EEF1AKMT1: variants seen among roughly 807,000 people sequenced by gnomAD.
EEF1AKMT1 encodes the protein EEF1A lysine methyltransferase 1.
Under a neutral mutation model 21.0 loss-of-function variants are expected in EEF1AKMT1, and 18 were observed. The ratio of observed to expected loss-of-function variants is 0.86; its 90% CI spans 0.59 to 1.27. The LOEUF (loss-of-function observed/expected upper bound fraction) is 1.27, where lower values mean the gene tolerates loss of function less well. Ranked by LOEUF, EEF1AKMT1 falls within the 50% of genes most tolerant of loss-of-function variation. The pLI, the probability that EEF1AKMT1 is intolerant of heterozygous loss-of-function variation, is 0.00. For missense variants in EEF1AKMT1, 246 were observed against 258.6 expected, an observed-to-expected ratio of 0.95 and a Z score of 0.33; for synonymous variants, 109 against 94.8, an observed-to-expected ratio of 1.15 and a Z score of -0.87.
chr13:20,753,738 G>C (rs2058955615), intron 2 of EEF1AKMT1, among the ~76,000 whole-genome samples: 1 of 151,990 alleles, frequency 6.6e-6, no homozygotes, highest in South Asian at 2.1e-4. Context: ...AGCTAGTCCT[G>C]CTTGTTTTTG....
chr13:20,733,100 T>TC (rs1469335644), intron 3 of EEF1AKMT1, among the ~76,000 whole-genome samples: 1 of 150,338 alleles, frequency 6.7e-6, no homozygotes, highest in Non-Finnish European at 1.5e-5. Context: ...TACACTTTTT[T>TC]TTTTTTTTTT....
At chr13:20,765,387 TTC>T in intron 1 of EEF1AKMT1, among the ~76,000 whole-genome samples, 1 of 151,462 alleles carries the variant, frequency 6.6e-6, no homozygotes, top group East Asian at 1.9e-4. Context: ...ATTATTTGCT[TTC>T]TGTTTCTTCC....
chr13:20,730,134 T>C (rs2058784323), intron 4 of EEF1AKMT1, among the ~76,000 whole-genome samples: 1 of 152,240 alleles, frequency 6.6e-6, no homozygotes, highest in Non-Finnish European at 1.5e-5. Flanking sequence ...CTTCCAGCCT[T>C]TAGTCTATTT....
chr13:20,730,958 A>T (rs1191972997), intron 4 of EEF1AKMT1, among the ~76,000 whole-genome samples: 3 of 152,190 alleles, frequency 2.0e-5, no homozygotes, highest in African/African-American at 7.2e-5. Context: ...CACATACCGC[A>T]AGGGTCTGCC....
chr13:20,771,069 G>A (rs937061918), intron 1 of EEF1AKMT1, among the ~76,000 whole-genome samples: 9 of 151,776 alleles, frequency 5.9e-5, no homozygotes, highest in African/African-American at 1.9e-4. Flanking sequence ...CGGGGGTCTC[G>A]TCATGTTGCC....
At chr13:20,771,069 GT>G (rs2059060560) in intron 1 of EEF1AKMT1, among the ~76,000 whole-genome samples, 1 of 151,776 alleles carries the variant, frequency 6.6e-6, no homozygotes, top group African/African-American at 2.4e-5. Context: ...CGGGGGTCTC[GT>G]CATGTTGCCC....
chr13:20,760,821 A>G (rs1024766067), intron 1 of EEF1AKMT1, among the ~76,000 whole-genome samples: 2 of 152,270 alleles, frequency 1.3e-5, no homozygotes, highest in Non-Finnish European at 2.9e-5. Context: ...TCTAATTTAG[A>G]TAACAATTTA....
chr13:20,770,928 G>A (rs1284669871), intron 1 of EEF1AKMT1, among the ~76,000 whole-genome samples: 1 of 150,904 alleles, frequency 6.6e-6, no homozygotes, highest in Non-Finnish European at 1.5e-5. Context: ...TGCCCAGGCT[G>A]GAGTGCAGTG....
intron 2 of EEF1AKMT1, among the ~76,000 whole-genome samples, chr13:20,743,131 A>G (rs1376005695): frequency 6.6e-6 from 1 of 152,042 alleles, no homozygotes; most frequent in African/African-American, 2.4e-5. Context: ...CAGTGGCGCA[A>G]TCTCAGCTCA....
intron 2 of EEF1AKMT1, 149 bp downstream of exon 2, chr13:20,757,306 T>G: frequency 1.2e-6 from 1 of 810,682 alleles, no homozygotes; most frequent in South Asian, 2.0e-5. Flanking sequence ...CTGACTGCTT[T>G]CTGTCTTAGC....
intron 1 of EEF1AKMT1, among the ~76,000 whole-genome samples, chr13:20,762,142 T>TGGAGAGA: frequency 2.0e-5 from 3 of 151,648 alleles, no homozygotes; most frequent in Admixed American, 2.0e-4. Flanking sequence ...ATCTCTCCAT[T>TGGAGAGA]TATTTAGTTC....
chr13:20,746,334 G>T (rs1286174710), intron 2 of EEF1AKMT1, among the ~76,000 whole-genome samples: 1 of 152,104 alleles, frequency 6.6e-6, no homozygotes, highest in African/African-American at 2.4e-5. Flanking sequence ...TGTATTTTTA[G>T]TAGAGACGGG....
intron 2 of EEF1AKMT1, among the ~76,000 whole-genome samples, chr13:20,751,318 G>T (rs373707342): frequency 6.6e-6 from 1 of 152,098 alleles, no homozygotes; most frequent in Non-Finnish European, 1.5e-5. Flanking sequence ...ATATGCTTAC[G>T]TCTAATCCAT....
intron 2 of EEF1AKMT1, among the ~76,000 whole-genome samples, chr13:20,750,871 A>G (rs2058936431): frequency 6.6e-6 from 1 of 152,132 alleles, no homozygotes; most frequent in South Asian, 2.1e-4. Flanking sequence ...CTTTTTAACA[A>G]TAGCCATTCT....
At chr13:20,748,715 GTTTTT>G (rs796299437) in intron 2 of EEF1AKMT1, among the ~76,000 whole-genome samples, 1 of 105,810 alleles carries the variant, frequency 9.5e-6, no homozygotes, top group African/African-American at 3.7e-5. Context: ...ATGTATAGTT[GTTTTT>G]TTTTGGTTTT....
chr13:20,758,425 G>A (rs374240890), intron 1 of EEF1AKMT1, among the ~76,000 whole-genome samples: 13 of 152,232 alleles, frequency 8.5e-5, no homozygotes, highest in African/African-American at 2.9e-4. Context: ...TACATGTACT[G>A]ATTGATGTCT....
chr13:20,741,869 A>G (rs2058873591), intron 2 of EEF1AKMT1, among the ~76,000 whole-genome samples: 1 of 152,160 alleles, frequency 6.6e-6, no homozygotes, highest in Admixed American at 6.6e-5. Context: ...TTAGTACACA[A>G]ATTTTACCTC....
intron 3 of EEF1AKMT1, among the ~76,000 whole-genome samples, chr13:20,732,366 C>G (rs978502029): frequency 1.3e-5 from 2 of 152,106 alleles, no homozygotes; most frequent in African/African-American, 4.8e-5. Flanking sequence ...GAGTCTCACT[C>G]TGTTGCCAAG....
At chr13:20,763,044 T>A (rs2059008963) in intron 1 of EEF1AKMT1, among the ~76,000 whole-genome samples, 1 of 152,222 alleles carries the variant, frequency 6.6e-6, no homozygotes, top group Admixed American at 6.5e-5. Flanking sequence ...TAAATCATAT[T>A]TACTAATATT....
Sources: allele counts gnomAD v4.1 joint callset (sites outside exome capture counted in the v4.1 genomes callset), GRCh38; gene constraint gnomAD v4.1.1; transcripts MANE v1.5; gene names NCBI Gene and HGNC (gene_info 2026-07-23, HGNC 2026-07-21).